RNLS: variants seen among roughly 807,000 people sequenced by gnomAD.
The protein encoded by RNLS is renalase, FAD dependent amine oxidase.
RNLS carries 39 observed loss-of-function variants against 39.8 expected under a neutral mutation model. That is an observed-to-expected ratio of 0.98 (90% CI 0.76 to 1.28). RNLS has a LOEUF of 1.28. RNLS is among the 50% of genes most tolerant of loss of function. The pLI is 0.00. For synonymous variants in RNLS, 147 were observed against 150.7 expected (o/e 0.98, Z 0.18); for missense variants, 410 against 413.3 (o/e 0.99, Z 0.07).
the RNLS span, among the ~76,000 whole-genome samples, chr10:88,250,800 T>C: frequency 6.6e-6 from 1 of 152,194 alleles, no homozygotes; most frequent in Non-Finnish European, 1.5e-5. Context: ...CTTCATTAAC[T>C]CAAACTTCAA....
chr10:88,273,725 GCTTTAAAA>G (rs1301468262), downstream of RNLS: 1 of 152,100 alleles, frequency 6.6e-6, no homozygotes, highest in African/African-American at 2.4e-5. Flanking sequence ...TAGAAAACAT[GCTTTAAAA>G]AACACTTGAT....
rs1850759428 is a variant in RNLS at position 88,583,185 on chromosome 10, C to T, written c.6G>A (p.Ala2=). 2 of 1,613,872 alleles carry T rather than the reference C, an allele frequency of 1.2e-6. No individual in the cohort carries two copies. Among genetic ancestry groups the T allele is most frequent in the South Asian group, 1.1e-5 (1 of 91,066 alleles). The change falls in exon 1 of 7, where the codon GCG becomes GCA. Residue 2 remains alanine, a synonymous_variant. Transcript: ENST00000331772. Reference sequence around the variant, plus strand: ...TCCCGGCGCCCACGATCAGCACCTGCGCCATGGCGAGAGGGAGCAGCGATC... The same window carrying T: ...TCCCGGCGCCCACGATCAGCACCTGTGCCATGGCGAGAGGGAGCAGCGATC... The part of the protein sequence containing the change: M[A]QVLIVGAGMT...
chr10:88,221,364 G>A, the RNLS span, among the ~76,000 whole-genome samples: 1 of 152,184 alleles, frequency 6.6e-6, no homozygotes, highest in Non-Finnish European at 1.5e-5. Flanking sequence ...TTTTGAAAAT[G>A]AATGTAGACC....
the RNLS span, among the ~76,000 whole-genome samples, chr10:88,242,751 G>T: frequency 2.0e-5 from 3 of 152,172 alleles, no homozygotes; most frequent in African/African-American, 7.2e-5. Flanking sequence ...AGGAGTTTGA[G>T]ACCAGCCTCA....
chr10:88,249,176 G>A, the RNLS span, among the ~76,000 whole-genome samples: 1 of 152,142 alleles, frequency 6.6e-6, no homozygotes, highest in Non-Finnish European at 1.5e-5. Flanking sequence ...TCTTTTCCTT[G>A]GATGGTATCT....
rs869175046 is a variant in RNLS, at chr10:88,548,261, C to CA, written c.526+24641dup. Among the ~76,000 whole-genome samples, 175 of 32,386 alleles carry CA rather than the reference C, an allele frequency of 5.4e-3. 25 individuals carry two copies. The highest frequency in any genetic ancestry group is 7.1e-3 in the Non-Finnish European group (155 of 21,732). The allele number at this position is 32,386 out of a possible 152,430, so 21.2% of individuals were successfully genotyped here. ...TGGGCGACAGAGCAAGACTCCGTCTCAAAAAAAAAAAAAAAAAAAAAAAAA... is the reference window on the plus strand; with the variant it reads ...TGGGCGACAGAGCAAGACTCCGTCTCAAAAAAAAAAAAAAAAAAAAAAAAAA... On this transcript the variant is annotated intron_variant, in intron 4 of 6. Coordinates refer to ENST00000331772, the MANE Select transcript of RNLS (RefSeq NM_001031709.3).
intron 4 of RNLS, among the ~76,000 whole-genome samples, chr10:88,566,037 G>A (rs943091586): frequency 4.0e-5 from 6 of 151,566 alleles, no homozygotes; most frequent in East Asian, 1.9e-4. Context: ...AGAAGCCACC[G>A]CGCCCGGCCA....
chr10:88,582,243 C>A lies in RNLS; in HGVS notation c.183G>T (p.Gln61His). The change falls in exon 2 of 7, where the codon CAG (glutamine) becomes CAT (histidine). Residue 61 changes from glutamine (Q) to histidine (H), a missense_variant. By Grantham distance (24) the Gln-to-His change is conservative. Coordinates refer to ENST00000331772, the MANE Select transcript of RNLS (RefSeq NM_001031709.3). ...CATAATGAGGAGTGCAGGTGATGTA[C>A]TGAGCACCCAAGTCAGCTGTGCACT... ...NPQCTADLGAQYITCTPHYAK... is the reference protein window; with the variant it reads ...NPQCTADLGAHYITCTPHYAK... 6.2e-7 allele frequency: 1 copy of A among 1,614,098 alleles called. No individual in the cohort carries two copies. The highest frequency in any genetic ancestry group is 8.5e-7 in the Non-Finnish European group (1 of 1,179,984).
At chr10:88,172,839 GTTGTTT>G in the RNLS span, among the ~76,000 whole-genome samples, 4 of 31,510 alleles carry the variant, frequency 1.3e-4, no homozygotes, top group Admixed American at 4.9e-4. Flanking sequence ...TGCATTTTGA[GTTGTTT>G]TTTTTTTTTT....
the RNLS span, among the ~76,000 whole-genome samples, chr10:88,237,065 A>G: frequency 1.3e-5 from 2 of 152,192 alleles, no homozygotes; most frequent in African/African-American, 4.8e-5. Context: ...TAAAGTTGCC[A>G]TTTATGATAA....
chr10:88,272,791 A>G (rs1019443880), downstream of RNLS, among the ~76,000 whole-genome samples: 1 of 152,172 alleles, frequency 6.6e-6, no homozygotes. Flanking sequence ...AGACCTTTGA[A>G]TTGCAAAATT....
intron 4 of RNLS, among the ~76,000 whole-genome samples, chr10:88,569,334 T>C (rs1849698233): frequency 6.8e-6 from 1 of 147,716 alleles, no homozygotes; most frequent in South Asian, 2.1e-4. Flanking sequence ...TTTTTTTTTG[T>C]AACAGCAAAG....
chr10:88,203,256 G>GTA, the RNLS span, among the ~76,000 whole-genome samples: 4 of 9,158 alleles, frequency 4.4e-4, no homozygotes, highest in African/African-American at 2.2e-3. Flanking sequence ...GTGTGTGTGT[G>GTA]TGTGTGTGTA....
chr10:88,553,012 A>AAGGG (rs1162572378), intron 4 of RNLS, among the ~76,000 whole-genome samples: 1 of 152,206 alleles, frequency 6.6e-6, no homozygotes, highest in African/African-American at 2.4e-5. Context: ...CTATTATGAA[A>AAGGG]ACAAAGAGAA....
intron 4 of RNLS, among the ~76,000 whole-genome samples, chr10:88,554,564 C>T (rs1209303675): frequency 6.6e-6 from 1 of 152,016 alleles, no homozygotes; most frequent in Non-Finnish European, 1.5e-5. Flanking sequence ...TTCAGCCCCT[C>T]TTCAATCTCA....
intron 4 of RNLS, among the ~76,000 whole-genome samples, chr10:88,379,066 CAT>C (rs1415781762): frequency 1.3e-5 from 2 of 152,210 alleles, no homozygotes; most frequent in Admixed American, 6.5e-5. Flanking sequence ...TCACCACAAA[CAT>C]ATGAGCAATG....
chr10:88,188,384 C>T, the RNLS span, among the ~76,000 whole-genome samples: 2 of 152,176 alleles, frequency 1.3e-5, no homozygotes, highest in Admixed American at 6.5e-5. Context: ...TTAAAGCCGG[C>T]AGCATTAGAG....
intron 4 of RNLS, among the ~76,000 whole-genome samples, chr10:88,407,079 A>T (rs1853323697): frequency 6.6e-6 from 1 of 152,078 alleles, no homozygotes; most frequent in Non-Finnish European, 1.5e-5. Flanking sequence ...GGGATAAAAG[A>T]CTACAAATAT....
intron 5 of RNLS, among the ~76,000 whole-genome samples, chr10:88,360,533 C>A (rs1003953872): frequency 3.9e-5 from 6 of 152,160 alleles, no homozygotes; most frequent in Non-Finnish European, 8.8e-5. Context: ...CTCCTGGGTT[C>A]AAGAGTGATT....
Sources: gnomAD v4.1 joint callset for allele counts (sites outside exome capture counted in the v4.1 genomes callset) on GRCh38, gnomAD v4.1.1 for gene constraint, MANE v1.5 for transcripts, NCBI Gene and HGNC (gene_info 2026-07-23, HGNC 2026-07-21) for gene names.